Variants in ZNF83 observed in about 807,000 individuals in gnomAD.
ZNF83 encodes zinc finger protein 83.
For synonymous variants in ZNF83, 209 were observed against 213.0 expected (o/e 0.98, Z 0.17); for missense variants, 552 against 629.9 (o/e 0.88, Z 1.32).
intron 2 of ZNF83, among the ~76,000 whole-genome samples, chr19:52,622,569 T>C (rs190759373): frequency 7.1e-4 from 108 of 152,238 alleles, no homozygotes; most frequent in African/African-American, 2.4e-3. Flanking sequence ...AGATTATGAT[T>C]TCCTGCCTAG....
intron 2 of ZNF83, among the ~76,000 whole-genome samples, chr19:52,620,270 CTGTGTGTG>C (rs377267661): frequency 5.5e-5 from 8 of 144,426 alleles, no homozygotes; most frequent in African/African-American, 7.8e-5. Context: ...GTGTATATCT[CTGTGTGTG>C]TGTGTGTGTG....
chr19:52,653,367 C>A, intron 3 of ZNF83: 2 of 1,108,938 alleles, frequency 1.8e-6, no homozygotes, highest in South Asian at 2.5e-5. Flanking sequence ...ATGAATCACG[C>A]TGGAAAACCT....
At chr19:52,626,557 T>A (rs896249299) in intron 2 of ZNF83, among the ~76,000 whole-genome samples, 1 of 152,116 alleles carries the variant, frequency 6.6e-6, no homozygotes, top group Non-Finnish European at 1.5e-5. Context: ...TACCTGTTTT[T>A]CTCCTTCTCT....
chr19:52,629,430 A>C (rs928785227), intron 2 of ZNF83, among the ~76,000 whole-genome samples: 7 of 150,710 alleles, frequency 4.6e-5, no homozygotes, highest in East Asian at 2.0e-4. Flanking sequence ...GCCCATCTGA[A>C]CTCTTCCCCT....
chr19:52,684,421 C>T (rs886713820), intron 1 of ZNF83, among the ~76,000 whole-genome samples: 2 of 151,594 alleles, frequency 1.3e-5, no homozygotes, highest in African/African-American at 2.4e-5. Flanking sequence ...TGGTGGCACA[C>T]CCCTATAATC....
intron 2 of ZNF83, among the ~76,000 whole-genome samples, chr19:52,631,541 A>G (rs1357894680): frequency 6.6e-6 from 1 of 152,144 alleles, no homozygotes; most frequent in East Asian, 1.9e-4. Context: ...TGATGCATAT[A>G]CTTTCTGCTC....
Position 52,631,481 on chromosome 19 carries a change from T to C in ZNF83, c.-234+3585A>G, listed in dbSNP as rs1025153195. Among the ~76,000 whole-genome samples the C allele has an allele frequency of 3.4e-4, 52 of 152,242 alleles. 1 individual carries two copies. The highest frequency in any genetic ancestry group is 8.9e-4 in the African/African-American group (37 of 41,540). On this transcript the variant is annotated intron_variant, in intron 2 of 2. Coordinates refer to ENST00000301096, the Ensembl canonical transcript of ZNF83. Reference sequence around the variant, plus strand: ...TCAAAATCACAAACTATGCTCAACTTACTCTCTACATTTCTCATAACTTCC... The same window carrying C: ...TCAAAATCACAAACTATGCTCAACTCACTCTCTACATTTCTCATAACTTCC...
intron 2 of ZNF83, among the ~76,000 whole-genome samples, chr19:52,657,910 G>A (rs192491487): frequency 1.1e-3 from 170 of 151,636 alleles, no homozygotes; most frequent in African/African-American, 3.9e-3. Flanking sequence ...GCCAAGGCGG[G>A]GGGATCACCT....
chr19:52,653,141 A>T (rs1341116887), intron 3 of ZNF83: 1 of 1,472,556 alleles, frequency 6.8e-7, no homozygotes, highest in Non-Finnish European at 9.5e-7. Flanking sequence ...CACTCATGAC[A>T]GTTGTAAGGT....
intron 1 of ZNF83, among the ~76,000 whole-genome samples, chr19:52,665,191 C>A (rs1204406503): frequency 6.6e-6 from 1 of 152,044 alleles, no homozygotes; most frequent in African/African-American, 2.4e-5. Flanking sequence ...TTTCCTAGAG[C>A]CACTGCCTGG....
At chr19:52,685,411 A>C (rs1259089227) in intron 1 of ZNF83, among the ~76,000 whole-genome samples, 1 of 152,186 alleles carries the variant, frequency 6.6e-6, no homozygotes, top group East Asian at 1.9e-4. Flanking sequence ...AGCATCTTTC[A>C]AATACCTGGG....
chr19:52,613,197 A>G (rs2147038146), exon 3 of ZNF83: 1 of 1,614,102 alleles, frequency 6.2e-7, no homozygotes, highest in East Asian at 2.2e-5. Flanking sequence ...TACATTTGAA[A>G]GGTTTCTCTC....
At chr19:52,626,441 A>G (rs944741748) in intron 2 of ZNF83, among the ~76,000 whole-genome samples, 1 of 152,208 alleles carries the variant, frequency 6.6e-6, no homozygotes, top group African/African-American at 2.4e-5. Flanking sequence ...ACATAAACTC[A>G]AGGATAGAGC....
intron 2 of ZNF83, among the ~76,000 whole-genome samples, chr19:52,622,839 C>T (rs1036674345): frequency 6.6e-6 from 1 of 152,196 alleles, no homozygotes; most frequent in African/African-American, 2.4e-5. Context: ...ATTAATCAAC[C>T]TCACCTTCAA....
chr19:52,654,100 G>A (rs1188555863), intron 3 of ZNF83: 1 of 1,604,480 alleles, frequency 6.2e-7, no homozygotes, highest in Non-Finnish European at 8.5e-7. Flanking sequence ...GTGCAGTTCA[G>A]GCAGATGTGA....
chr19:52,681,153 C>T (rs2061910569), intron 1 of ZNF83, among the ~76,000 whole-genome samples: 2 of 151,514 alleles, frequency 1.3e-5, no homozygotes, highest in South Asian at 2.1e-4. Context: ...GGCATGGTGG[C>T]AGGCACCTGT....
intron 3 of ZNF83, among the ~76,000 whole-genome samples, chr19:52,649,247 T>TG (rs1284104102): frequency 6.6e-6 from 1 of 152,098 alleles, no homozygotes; most frequent in African/African-American, 2.4e-5. Flanking sequence ...CCACGTGAGT[T>TG]TGTGCAGTTG....
At position 52,634,592 on chromosome 19, in the gene ZNF83, C is replaced by T. The variant is rs569882831; in HGVS notation, c.-234+474G>A. Among the ~76,000 whole-genome samples the T allele has an allele frequency of 2.6e-5, 4 of 152,276 alleles. No homozygotes were observed. The East Asian group carries it at 5.8e-4, about 22-fold the overall frequency. On this transcript the variant is annotated intron_variant, in intron 2 of 2. Transcript: ENST00000301096. ...ATTTTTGGAGTCAGAAACAAAGTAA[C>T]TCACTAAATTACCTAAAAATATAGT...
chr19:52,635,974 A>C (rs1278734709), intron 1 of ZNF83: 1 of 134,658 alleles, frequency 7.4e-6, no homozygotes, highest in Non-Finnish European at 1.6e-5. Context: ...CCTGGGAAAC[A>C]ACAGGGAAAT....
Sources: gnomAD v4.1 joint callset for allele counts (sites outside exome capture counted in the v4.1 genomes callset) on GRCh38, gnomAD v4.1.1 for gene constraint, MANE v1.5 for transcripts, NCBI Gene and HGNC (gene_info 2026-07-23, HGNC 2026-07-21) for gene names.